The following DPYD variants were observed in gnomAD, a reference collection of about 807,000 sequenced individuals.
DPYD encodes dihydropyrimidine dehydrogenase [NADP(+)].
DPYD carries 109 observed loss-of-function variants against 116.2 expected under a neutral mutation model. That is an observed-to-expected ratio of 0.94 (90% confidence interval 0.80 to 1.10). The LOEUF is 1.10. DPYD is among the 50% of genes least tolerant of loss of function. DPYD has a pLI of 0.00. For synonymous variants in DPYD, 440 were observed against 432.0 expected (o/e 1.02, Z -0.23); for missense variants, 1,302 against 1,254.5 (o/e 1.04, Z -0.57).
chr1:97,572,747 G>A (rs1015629686), intron 11 of DPYD, among the ~76,000 whole-genome samples: 59 of 151,944 alleles, frequency 3.9e-4, no homozygotes, highest in African/African-American at 1.3e-3. Flanking sequence ...CATTTATCTC[G>A]ATGACATTAA....
At position 97,440,844 on chromosome 1, in the gene DPYD, T is replaced by G. The variant is rs75260975; in HGVS notation, c.1905+9215A>C. On this transcript the variant is annotated intron_variant, in intron 14 of 22. Transcript: ENST00000370192. ...AACCACAGTTTGACCTGGCATCATA[T>G]TCCATCTGCCTAAAACAGTTTAACA... 5.4e-3 allele frequency among the ~76,000 whole-genome samples: 829 copies of G among 152,322 alleles called. 6 individuals carry two copies. Among genetic ancestry groups the G allele is most frequent in the African/African-American group, 0.019 (796 of 41,576 alleles).
intron 14 of DPYD, chr1:97,394,262 A>G (rs983307304): frequency 6.6e-6 from 1 of 152,066 alleles, no homozygotes; most frequent in Non-Finnish European, 1.5e-5. Context: ...CTCTGACGGT[A>G]GTTTCTTTTG....
At chr1:97,274,660 T>C (rs1414372005) in intron 18 of DPYD, among the ~76,000 whole-genome samples, 2 of 152,194 alleles carry the variant, frequency 1.3e-5, no homozygotes, top group African/African-American at 4.8e-5. Flanking sequence ...CATTTACTAT[T>C]AGGTTGGTGC....
At chr1:97,772,165 G>GA (rs1666177796) in intron 3 of DPYD, among the ~76,000 whole-genome samples, 2 of 152,010 alleles carry the variant, frequency 1.3e-5, no homozygotes, top group African/African-American at 4.8e-5. Context: ...GGAATACAAG[G>GA]AAAATGGAGA....
intron 11 of DPYD, among the ~76,000 whole-genome samples, chr1:97,560,595 G>A (rs1279831329): frequency 6.6e-6 from 1 of 151,104 alleles, no homozygotes; most frequent in Non-Finnish European, 1.5e-5. Flanking sequence ...GGTCTCTCAT[G>A]TATTACATCC....
chr1:97,508,630 A>G (rs1403392965), intron 13 of DPYD, among the ~76,000 whole-genome samples: 9 of 152,042 alleles, frequency 5.9e-5, no homozygotes, highest in Admixed American at 5.9e-4. Flanking sequence ...CTCTGAAGAC[A>G]TGAGTGCAGT....
At chr1:97,310,442 C>G (rs945707884) in intron 16 of DPYD, among the ~76,000 whole-genome samples, 1 of 151,808 alleles carries the variant, frequency 6.6e-6, no homozygotes, top group Non-Finnish European at 1.5e-5. Context: ...TTCTACTTCA[C>G]TTATTCCTGT....
At chr1:97,200,391 G>A (rs568224780) in intron 19 of DPYD, among the ~76,000 whole-genome samples, 9 of 152,134 alleles carry the variant, frequency 5.9e-5, no homozygotes, top group South Asian at 2.1e-4. Flanking sequence ...AAGCAAAAAC[G>A]GAAATTCTTC....
chr1:97,729,889 GAATCA>G (rs1473338355), intron 4 of DPYD, among the ~76,000 whole-genome samples: 1 of 152,108 alleles, frequency 6.6e-6, no homozygotes, highest in Non-Finnish European at 1.5e-5. Flanking sequence ...TATGAATGAA[GAATCA>G]ATATTGTTGC....
intron 14 of DPYD, among the ~76,000 whole-genome samples, chr1:97,432,341 T>C (rs1338614199): frequency 6.6e-6 from 1 of 152,148 alleles, no homozygotes; most frequent in Non-Finnish European, 1.5e-5. Context: ...CTTCACTGAT[T>C]CCTTCCTCCA....
intron 4 of DPYD, among the ~76,000 whole-genome samples, chr1:97,734,315 A>T (rs1663801832): frequency 6.6e-6 from 1 of 152,040 alleles, no homozygotes; most frequent in Admixed American, 6.6e-5. Flanking sequence ...CTGAATTGAA[A>T]TGTCCTCCTT....
intron 8 of DPYD, among the ~76,000 whole-genome samples, chr1:97,605,612 C>T (rs1285279501): frequency 6.6e-5 from 10 of 151,938 alleles, no homozygotes; most frequent in East Asian, 1.9e-4. Context: ...TTCATAGCAG[C>T]GTGAGAACCA....
intron 13 of DPYD, among the ~76,000 whole-genome samples, chr1:97,475,958 T>C (rs1021957029): frequency 1.3e-5 from 2 of 152,218 alleles, no homozygotes; most frequent in Non-Finnish European, 2.9e-5. Context: ...AAGTAATCTA[T>C]AACTAAGGAG....
chr1:97,749,820 G>A lies in DPYD; in HGVS notation c.234-9341C>T, dbSNP rs139036439. Among the ~76,000 whole-genome samples the A allele has an allele frequency of 2.6e-5, 4 of 152,036 alleles. No homozygotes were observed. The East Asian group carries it at 7.7e-4, about 29-fold the overall frequency. On this transcript the variant is annotated intron_variant, in intron 3 of 22. Transcript: ENST00000370192. ...TTCATATTCTAGACAGCTGTTACAT[G>A]ATGCTCAATACACTTTTGATCCTTC...
chr1:97,363,814 C>G (rs1403737700), intron 16 of DPYD, among the ~76,000 whole-genome samples: 1 of 152,038 alleles, frequency 6.6e-6, no homozygotes, highest in African/African-American at 2.4e-5. Flanking sequence ...GGGTGGGGAG[C>G]AGGGGGAGGG....
At chr1:97,346,474 G>A (rs868362142) in intron 16 of DPYD, among the ~76,000 whole-genome samples, 4 of 151,162 alleles carry the variant, frequency 2.6e-5, no homozygotes, top group South Asian at 2.1e-4. Context: ...TTGTCTTTTC[G>A]TTTTCCTCAT....
At chr1:97,678,615 C>T (rs1314380717) in intron 8 of DPYD, among the ~76,000 whole-genome samples, 1 of 152,188 alleles carries the variant, frequency 6.6e-6, no homozygotes, top group East Asian at 1.9e-4. Context: ...GAGTAATACA[C>T]TGTCTATGGG....
chr1:97,252,855 A>G (rs1663199089), intron 18 of DPYD, among the ~76,000 whole-genome samples: 1 of 152,202 alleles, frequency 6.6e-6, no homozygotes, highest in African/African-American at 2.4e-5. Context: ...CACAGGTAGT[A>G]ACTGGTATGA....
intron 14 of DPYD, among the ~76,000 whole-genome samples, chr1:97,433,181 T>C (rs527953235): frequency 6.6e-6 from 1 of 152,254 alleles, no homozygotes; most frequent in Non-Finnish European, 1.5e-5. Flanking sequence ...GCCTTAGCCT[T>C]CAGCAGACCT....
Sources: gnomAD v4.1 joint callset for allele counts (sites outside exome capture counted in the v4.1 genomes callset) on GRCh38, gnomAD v4.1.1 for gene constraint, MANE v1.5 for transcripts, NCBI Gene and HGNC (gene_info 2026-07-23, HGNC 2026-07-21) for gene names.